C12orf54: variants seen among roughly 807,000 people sequenced by gnomAD.
C12orf54 encodes chromosome 12 open reading frame 54, also known as uncharacterized protein C12orf54.
A neutral mutation model predicts 26.4 loss-of-function variants in C12orf54; 24 were observed. The observed-to-expected ratio is 0.91, with a 90% CI of 0.66 to 1.28. C12orf54 has a LOEUF of 1.28. Ranked by LOEUF, C12orf54 falls within the 50% of genes most tolerant of loss-of-function variation. The pLI, the probability that C12orf54 is intolerant of heterozygous loss-of-function variation, is 0.00. For synonymous variants in C12orf54, 54 were observed against 47.0 expected, an observed-to-expected ratio of 1.15 and a Z score of -0.61; for missense variants, 154 against 150.9, an observed-to-expected ratio of 1.02 and a Z score of -0.11.
At chr12:48,464,008 C>T in the C12orf54 span, among the ~76,000 whole-genome samples, 4 of 151,948 alleles carry the variant, frequency 2.6e-5, no homozygotes, top group African/African-American at 9.6e-5. Context: ...AAGCATTCCC[C>T]TTGAAAACAG....
the C12orf54 span, among the ~76,000 whole-genome samples, chr12:48,475,045 A>C: frequency 4.6e-5 from 7 of 152,194 alleles, no homozygotes; most frequent in Admixed American, 3.3e-4. Flanking sequence ...CCTCTGAGAC[A>C]AAACTTCCAG....
At chr12:48,451,532 G>A in the C12orf54 span, among the ~76,000 whole-genome samples, 21 of 152,252 alleles carry the variant, frequency 1.4e-4, no homozygotes, top group African/African-American at 3.6e-4. Context: ...TATTCAAATA[G>A]GAAAGAGGAA....
chr12:48,490,756 A>AGG (rs1937772857), intron 5 of C12orf54, 56 bp from the exon 6 acceptor site: 1 of 1,590,130 alleles, frequency 6.3e-7, no homozygotes, highest in African/African-American at 1.3e-5. Flanking sequence ...AATACAGTGC[A>AGG]GGTCTGCAGG....
At chr12:48,465,367 C>A in the C12orf54 span, among the ~76,000 whole-genome samples, 5 of 152,068 alleles carry the variant, frequency 3.3e-5, no homozygotes, top group Non-Finnish European at 7.4e-5. Context: ...AATGAGACAC[C>A]ATCTTACACC....
the C12orf54 span, among the ~76,000 whole-genome samples, chr12:48,464,190 C>T: frequency 5.4e-4 from 82 of 152,012 alleles, no homozygotes; most frequent in Non-Finnish European, 8.5e-4. Flanking sequence ...ATAGTCTTGG[C>T]CCAAAAGCTC....
At chr12:48,446,647 C>G in the C12orf54 span, among the ~76,000 whole-genome samples, 157 of 152,202 alleles carry the variant, frequency 1.0e-3, no homozygotes, top group African/African-American at 3.4e-3. Context: ...CCGGGAATTC[C>G]CATTGAAGCT....
At chr12:48,457,559 C>T in the C12orf54 span, among the ~76,000 whole-genome samples, 3 of 152,076 alleles carry the variant, frequency 2.0e-5, no homozygotes, top group Non-Finnish European at 4.4e-5. Context: ...GTCTCGAACT[C>T]CTGACCTTGT....
chr12:48,481,136 C>A (rs1245395904), upstream of C12orf54, among the ~76,000 whole-genome samples: 1 of 152,046 alleles, frequency 6.6e-6, no homozygotes, highest in Non-Finnish European at 1.5e-5. Flanking sequence ...GAAGCCCAAA[C>A]CTCAGCAATA....
chr12:48,438,557 A>T, the C12orf54 span, among the ~76,000 whole-genome samples: 2 of 152,242 alleles, frequency 1.3e-5, no homozygotes, highest in East Asian at 3.8e-4. Context: ...CAAAACAGAG[A>T]TATAGACCAA....
the C12orf54 span, among the ~76,000 whole-genome samples, chr12:48,416,380 G>A: frequency 6.6e-6 from 1 of 152,172 alleles, no homozygotes; most frequent in Non-Finnish European, 1.5e-5. Context: ...ATTAACTCAA[G>A]TTTCTTCTGT....
chr12:48,464,486 C>G, the C12orf54 span, among the ~76,000 whole-genome samples: 1 of 151,896 alleles, frequency 6.6e-6, no homozygotes, highest in Admixed American at 6.6e-5. Flanking sequence ...ATTATTATGG[C>G]CATACTGCCT....
chr12:48,441,677 G>A, the C12orf54 span, among the ~76,000 whole-genome samples: 1 of 152,114 alleles, frequency 6.6e-6, no homozygotes, highest in South Asian at 2.1e-4. Context: ...GTAGAGATAA[G>A]CTGAGCAGAC....
chr12:48,434,780 A>T, the C12orf54 span, among the ~76,000 whole-genome samples: 1 of 152,196 alleles, frequency 6.6e-6, no homozygotes, highest in Admixed American at 6.5e-5. Flanking sequence ...ATCATCAAAG[A>T]CCAAAGGTAG....
At chr12:48,440,327 A>T in the C12orf54 span, among the ~76,000 whole-genome samples, 1 of 152,204 alleles carries the variant, frequency 6.6e-6, no homozygotes, top group Admixed American at 6.5e-5. Flanking sequence ...GAAGGGAAGG[A>T]TGACACTTGC....
chr12:48,495,072 G>A (rs1349255608), intron 8 of C12orf54, 93 bp downstream of exon 8: 1 of 916,160 alleles, frequency 1.1e-6, no homozygotes, highest in East Asian at 2.5e-5. Context: ...TCCCAACATG[G>A]CAGGGCAGCA....
chr12:48,465,150 A>G, the C12orf54 span, among the ~76,000 whole-genome samples: 3 of 152,212 alleles, frequency 2.0e-5, no homozygotes, highest in African/African-American at 4.8e-5. Context: ...ATGGGAGAAA[A>G]TATTTGCAAA....
chr12:48,435,531 A>G, the C12orf54 span, among the ~76,000 whole-genome samples: 2 of 152,222 alleles, frequency 1.3e-5, no homozygotes, highest in African/African-American at 4.8e-5. Context: ...GTTACCCACA[A>G]AGGGAAGCCC....
chr12:48,447,632 T>A, the C12orf54 span, among the ~76,000 whole-genome samples: 1 of 152,138 alleles, frequency 6.6e-6, no homozygotes, highest in Admixed American at 6.5e-5. Flanking sequence ...TATCCTAAAG[T>A]TAGAATATGG....
the C12orf54 span, among the ~76,000 whole-genome samples, chr12:48,467,812 A>G: frequency 6.6e-6 from 1 of 152,162 alleles, no homozygotes; most frequent in Admixed American, 6.5e-5. Flanking sequence ...ATACCTCAAT[A>G]AAGTTCTTGA....
Sources: allele counts gnomAD v4.1 joint callset (sites outside exome capture counted in the v4.1 genomes callset), GRCh38; gene constraint gnomAD v4.1.1; transcripts MANE v1.5; gene names NCBI Gene and HGNC (gene_info 2026-07-23, HGNC 2026-07-21).